SUPT3H: variants seen among roughly 807,000 people sequenced by gnomAD.
SUPT3H encodes the protein transcription initiation protein SPT3 homolog.
SUPT3H carries 44 observed loss-of-function variants against 44.3 expected under a neutral mutation model. That is an observed-to-expected ratio of 0.99 (90% CI 0.78 to 1.28). The LOEUF (loss-of-function observed/expected upper bound fraction) is 1.28. Among genes scored for constraint, SUPT3H ranks in the 50% most tolerant of loss-of-function variants. The pLI, the probability that SUPT3H is intolerant of heterozygous loss-of-function variation, is 0.00. For synonymous variants in SUPT3H, 124 were observed against 125.6 expected (o/e 0.99, Z 0.09); for missense variants, 380 against 387.1 (o/e 0.98, Z 0.15).
At chr6:45,112,487 C>A (rs1043285639) in intron 2 of SUPT3H, among the ~76,000 whole-genome samples, 1 of 151,876 alleles carries the variant, frequency 6.6e-6, no homozygotes, top group Non-Finnish European at 1.5e-5. Context: ...ATTTAACAGG[C>A]CTAACTTTGA....
intron 2 of SUPT3H, among the ~76,000 whole-genome samples, chr6:45,340,818 T>C (rs1789631395): frequency 6.6e-6 from 1 of 152,142 alleles, no homozygotes; most frequent in Non-Finnish European, 1.5e-5. Context: ...AATAATCTTG[T>C]ATCATAAATA....
At chr6:44,986,204 C>T (rs539566729) in intron 6 of SUPT3H, among the ~76,000 whole-genome samples, 6 of 152,268 alleles carry the variant, frequency 3.9e-5, no homozygotes, top group African/African-American at 1.4e-4. Context: ...TTTCCCAATA[C>T]TTTCCTTTTC....
chr6:45,247,798 T>C (rs1238885902), intron 2 of SUPT3H, among the ~76,000 whole-genome samples: 1 of 151,478 alleles, frequency 6.6e-6, no homozygotes, highest in Non-Finnish European at 1.5e-5. Flanking sequence ...ACAAAAAGAA[T>C]TCACTCTAAG....
Position 45,242,260 on chromosome 6 carries a change from G to A in SUPT3H, c.101+122941C>T, listed in dbSNP as rs140511107. Among the ~76,000 whole-genome samples the A allele has an allele frequency of 2.3e-3, 354 of 152,320 alleles. 1 individual carries two copies. The highest frequency in any genetic ancestry group is 0.011 in the South Asian group (53 of 4,824). Reference sequence around the variant, plus strand: ...ACTTTCTAAACAGAATAAGGACAGGGATAGAACATAGAAGCCAAAGTTCAA... The same window carrying A: ...ACTTTCTAAACAGAATAAGGACAGGAATAGAACATAGAAGCCAAAGTTCAA... On this transcript the variant is annotated intron_variant, in intron 2 of 10. Coordinates refer to ENST00000371459, the MANE Select transcript of SUPT3H (RefSeq NM_003599.4).
intron 2 of SUPT3H, 143 bp from the exon 3 acceptor site, chr6:45,106,149 T>A (rs1799239372): frequency 1.5e-6 from 1 of 672,534 alleles, no homozygotes; most frequent in Admixed American, 2.5e-5. Flanking sequence ...GCAATTTTCT[T>A]GGCCAGGTGT....
chr6:45,354,487 A>G (rs1039263224), intron 2 of SUPT3H, among the ~76,000 whole-genome samples: 42 of 152,058 alleles, frequency 2.8e-4, no homozygotes, highest in African/African-American at 1.0e-3. Context: ...TTTTTTGCTC[A>G]TCTGTGTGAG....
chr6:45,304,391 C>A (rs543795043), intron 2 of SUPT3H, among the ~76,000 whole-genome samples: 6 of 152,194 alleles, frequency 3.9e-5, no homozygotes, highest in Admixed American at 2.0e-4. Flanking sequence ...TAATTATGCT[C>A]AAAGACACAC....
rs373120972 is a variant in SUPT3H, at chr6:45,100,146, GCA to G, written c.186+5774_186+5775del. Among the ~76,000 whole-genome samples the G allele has an allele frequency of 4.5e-4, 68 of 152,154 alleles. No homozygotes were observed. The East Asian group carries it at 0.012, about 27-fold the overall frequency. ...CAAAACTTTAAGCTACTAGAAGAAA[GCA>G]CAGGGGAAAACGCTTCGGACATTGT... On this transcript the variant is annotated intron_variant, in intron 3 of 10. Transcript: ENST00000371459.
chr6:44,912,457 T>C (rs1767200039), intron 10 of SUPT3H, among the ~76,000 whole-genome samples: 3 of 152,370 alleles, frequency 2.0e-5, no homozygotes, highest in African/African-American at 7.2e-5. Context: ...ATGTATATAC[T>C]ATGTTTTGCA....
At position 45,230,686 on chromosome 6, in the gene SUPT3H, A is replaced by ATATATTTTTTTTT. The variant is rs796866510; in HGVS notation, c.102-124681_102-124680insAAAAAAAAATATA. Among the ~76,000 whole-genome samples the ATATATTTTTTTTT allele has an allele frequency of 2.6e-5, 3 of 116,796 alleles. 1 individual carries two copies. The South Asian group carries it at 9.2e-4, about 36-fold the overall frequency. 76.6% of individuals were successfully genotyped at this position (116,796 alleles called of 152,430 possible). On this transcript the variant is annotated intron_variant, in intron 2 of 10. Transcript: ENST00000371459. ...TCTATATATATATATATATATATATATTTTTGAGATGGAGTCTTGCTCTAT... is the reference window on the plus strand; with the variant it reads ...TCTATATATATATATATATATATATATATATTTTTTTTTTTTTTGAGATGGAGTCTTGCTCTAT...
At chr6:45,182,551 C>T (rs779881400) in intron 2 of SUPT3H, among the ~76,000 whole-genome samples, 6 of 152,210 alleles carry the variant, frequency 3.9e-5, no homozygotes, top group Non-Finnish European at 8.8e-5. Flanking sequence ...CGTGAGCCAC[C>T]GCACCTGGCC....
rs545031886 is a variant in SUPT3H, at chr6:44,846,965, C to G, written c.913-17108G>C. ...AGTTTTTTGAAGACTAAAACAATTT[C>G]CACATCAGGGATGGAGTTTTTAAGG... On this transcript the variant is annotated intron_variant, in intron 10 of 10. Transcript: ENST00000371459. Among the ~76,000 whole-genome samples, 30 of 152,302 alleles carry G rather than the reference C, an allele frequency of 2.0e-4. 1 individual carries two copies. Among genetic ancestry groups the G allele is most frequent in the Non-Finnish European group, 3.4e-4 (23 of 68,020 alleles).
rs1346401601 is a variant in SUPT3H at position 45,365,068 on chromosome 6, C to T, written c.101+133G>A. 67 of 603,892 alleles carry T rather than the reference C, an allele frequency of 1.1e-4. No individual in the cohort carries two copies. The East Asian group carries it at 2.1e-3, about 19-fold the overall frequency. The allele number at this position is 603,892 out of a possible 1,614,324, so 37.4% of individuals were successfully genotyped here. On this transcript the variant is annotated intron_variant, in intron 2 of 10. Coordinates refer to ENST00000371459, the MANE Select transcript of SUPT3H (RefSeq NM_003599.4). ...CATATGGCAATTTAAAATGTTACCA[C>T]AGTATTTCATTTTTACTTGATTAAT... is the stretch of plus-strand genomic sequence containing the variant.
intron 2 of SUPT3H, among the ~76,000 whole-genome samples, chr6:45,346,338 G>T (rs1205475337): frequency 6.6e-6 from 1 of 152,084 alleles, no homozygotes; most frequent in Non-Finnish European, 1.5e-5. Context: ...TTTTAAAGGA[G>T]TCTACAGGGT....
intron 9 of SUPT3H, among the ~76,000 whole-genome samples, chr6:44,935,237 GT>G (rs1771216451): frequency 6.6e-6 from 1 of 151,742 alleles, no homozygotes; most frequent in African/African-American, 2.4e-5. Flanking sequence ...CTTTATCAAG[GT>G]GCTAATAATC....
At chr6:45,070,757 A>AAG (rs1794257225) in intron 3 of SUPT3H, among the ~76,000 whole-genome samples, 1 of 151,436 alleles carries the variant, frequency 6.6e-6, no homozygotes, top group Non-Finnish European at 1.5e-5. Context: ...AAAAAAAAAA[A>AAG]AAGAAATGCT....
chr6:45,309,459 GA>G (rs902120125), intron 2 of SUPT3H, among the ~76,000 whole-genome samples: 34 of 142,612 alleles, frequency 2.4e-4, no homozygotes, highest in Non-Finnish European at 4.2e-4. Flanking sequence ...AGTCAAAAGA[GA>G]AAAAAAAAAC....
rs373314551 is a variant in SUPT3H at position 45,014,782 on chromosome 6, T to C, written c.364+19A>G. ...GTGTCATAAGCTCATGTTTTAGTTTTGTGTTTTGTTTTGGTTACCTTCGAG... is the reference window on the plus strand; with the variant it reads ...GTGTCATAAGCTCATGTTTTAGTTTCGTGTTTTGTTTTGGTTACCTTCGAG... On this transcript the variant is annotated intron_variant, in intron 5 of 10. Transcript: ENST00000371459. 39 of 1,535,012 alleles carry C rather than the reference T, an allele frequency of 2.5e-5. No individual in the cohort carries two copies. Among genetic ancestry groups the C allele is most frequent in the African/African-American group, 2.4e-4 (17 of 71,606 alleles).
rs1024342032 is a variant in SUPT3H at position 45,334,469 on chromosome 6, A to C, written c.101+30732T>G. Among the ~76,000 whole-genome samples, 5 of 141,342 alleles carry C rather than the reference A, an allele frequency of 3.5e-5. No individual in the cohort carries two copies. The East Asian group carries it at 6.1e-4, about 17-fold the overall frequency. 92.7% of individuals were successfully genotyped at this position (141,342 alleles called of 152,430 possible). ...AAAAGCAAAAAAAAAAAAAAAAAAA[A>C]GACAAAGTTAAATGCTAGCCAAATC... is the stretch of plus-strand genomic sequence containing the variant. On this transcript the variant is annotated intron_variant, in intron 2 of 10. Transcript: ENST00000371459.
Sources: gnomAD v4.1 joint callset for allele counts (sites outside exome capture counted in the v4.1 genomes callset) on GRCh38, gnomAD v4.1.1 for gene constraint, MANE v1.5 for transcripts, NCBI Gene and HGNC (gene_info 2026-07-23, HGNC 2026-07-21) for gene names.